ZDHHC15: variants seen among roughly 807,000 people sequenced by gnomAD.
ZDHHC15 encodes palmitoyltransferase ZDHHC15.
A neutral mutation model predicts 31.7 loss-of-function variants in ZDHHC15; 19 were observed. That is an observed-to-expected ratio of 0.60 (90% confidence interval 0.42 to 0.88). The LOEUF is 0.88. Among genes scored for constraint, ZDHHC15 ranks in the 40% least tolerant of loss-of-function variants. ZDHHC15 has a pLI of 0.00. For missense variants in ZDHHC15, 209 were observed against 251.2 expected (o/e 0.83, Z 1.14); for synonymous variants, 103 against 90.0 (o/e 1.14, Z -0.82).
intron 1 of ZDHHC15, among the ~76,000 whole-genome samples, chrX:75,514,138 C>G (rs1016788954): frequency 8.9e-6 from 1 of 112,767 alleles, no homozygotes; most frequent in Non-Finnish European, 1.9e-5. Context: ...TTTAGAAAAA[C>G]TGAAAAGGCA....
At chrX:75,391,765 T>C (rs184050646) in intron 10 of ZDHHC15, among the ~76,000 whole-genome samples, 17 of 111,953 alleles carry the variant, frequency 1.5e-4, no homozygotes, top group Middle Eastern at 4.6e-3. Context: ...AAAATACAAA[T>C]TTGAAGGTAC....
chrX:75,388,655 A>C, intron 10 of ZDHHC15, among the ~76,000 whole-genome samples: 1 of 112,115 alleles, frequency 8.9e-6, no homozygotes, highest in Non-Finnish European at 1.9e-5. Flanking sequence ...AAAGGAAGAA[A>C]GAAAGAAGGG....
At chrX:75,437,912 G>T (rs1240504653) in intron 4 of ZDHHC15, among the ~76,000 whole-genome samples, 1 of 110,135 alleles carries the variant, frequency 9.1e-6, no homozygotes, top group East Asian at 2.9e-4. Context: ...AATCTACAAA[G>T]AACTCAAACA....
At chrX:75,409,821 C>A (rs5981859) in intron 10 of ZDHHC15, among the ~76,000 whole-genome samples, 27,710 of 51,162 alleles carry the variant, frequency 0.54, 10,536 homozygotes, top group Non-Finnish European at 0.74. Flanking sequence ...AAAAAAAAAA[C>A]AACAACAACA....
chrX:75,491,206 G>A lies in ZDHHC15; in HGVS notation c.164-12221C>T, dbSNP rs1391131375. Among the ~76,000 whole-genome samples, 3 of 110,612 alleles carry A rather than the reference G, an allele frequency of 2.7e-5. No individual in the cohort carries two copies. The East Asian group carries it at 8.6e-4, about 32-fold the overall frequency. On this transcript the variant is annotated intron_variant, in intron 2 of 11. Transcript: ENST00000373367. ...GTTTACTGCAGCACTATTCACAATA[G>A]CAAAGACTTGGAACCAACCCAAATG... is the stretch of plus-strand genomic sequence containing the variant.
rs966248740 is a variant in ZDHHC15, at chrX:75,440,935, T to C, written c.380-9415A>G. Among the ~76,000 whole-genome samples, 3 of 111,345 alleles carry C rather than the reference T, an allele frequency of 2.7e-5. No individual in the cohort carries two copies. In the Admixed American group the frequency reaches 2.9e-4, roughly 11 times the overall value. ...TTATGGCTGCCTCTGCTACATCATATAGGTCACCAGGGAAGTGGAGAAAAG... is the reference window on the plus strand; with the variant it reads ...TTATGGCTGCCTCTGCTACATCATACAGGTCACCAGGGAAGTGGAGAAAAG... On this transcript the variant is annotated intron_variant, in intron 4 of 11. Transcript: ENST00000373367.
chrX:75,461,264 T>A (rs1390532847), intron 3 of ZDHHC15, among the ~76,000 whole-genome samples: 6 of 111,479 alleles, frequency 5.4e-5, no homozygotes, highest in Non-Finnish European at 9.4e-5. Context: ...ATGAATAAAA[T>A]CTGAGAAATA....
intron 10 of ZDHHC15, among the ~76,000 whole-genome samples, chrX:75,390,290 G>A (rs1602551969): frequency 8.9e-6 from 1 of 111,846 alleles, no homozygotes; most frequent in South Asian, 3.8e-4. Context: ...GGGGGAATTC[G>A]CCACCCAGAA....
At chrX:75,404,901 C>A (rs2083394746) in intron 10 of ZDHHC15, among the ~76,000 whole-genome samples, 2 of 111,877 alleles carry the variant, frequency 1.8e-5, no homozygotes, top group Admixed American at 1.9e-4. Flanking sequence ...GAATATAAAG[C>A]ATTCTGCCAT....
At chrX:75,421,803 G>C (rs1169616195) in intron 9 of ZDHHC15, 61 bp downstream of exon 9, 1 of 1,152,544 alleles carries the variant, frequency 8.7e-7, no homozygotes, top group Non-Finnish European at 1.2e-6. Flanking sequence ...AATCAAAATT[G>C]AATTTGCTGG....
intron 2 of ZDHHC15, among the ~76,000 whole-genome samples, chrX:75,499,012 A>G (rs1045071288): frequency 8.9e-6 from 1 of 111,761 alleles, no homozygotes; most frequent in African/African-American, 3.2e-5. Context: ...TTTGAGGAAG[A>G]AAACAAAACA....
intron 10 of ZDHHC15, among the ~76,000 whole-genome samples, chrX:75,407,686 C>T (rs748425123): frequency 6.1e-4 from 69 of 112,988 alleles, no homozygotes; most frequent in Middle Eastern, 9.4e-3. Context: ...CCCCTCTGCC[C>T]GGCCGCCACC....
chrX:75,516,062 C>A (rs1022827233), intron 1 of ZDHHC15, among the ~76,000 whole-genome samples: 1 of 111,579 alleles, frequency 9.0e-6, no homozygotes, highest in Admixed American at 9.6e-5. Flanking sequence ...GAACTACAAA[C>A]CACTGCTCAA....
At position 75,478,992 on chromosome X, in the gene ZDHHC15, TAAA is replaced by T; in HGVS notation, c.164-10_164-8del. 9.4e-7 allele frequency: 1 copy of T among 1,059,619 alleles called. No homozygotes were observed. Among genetic ancestry groups the T allele is most frequent in the Non-Finnish European group, 1.3e-6 (1 of 787,699 alleles). The allele number at this position is 1,059,619 out of a possible 1,213,427, so 87.3% of individuals were successfully genotyped here. On this transcript the variant is annotated splice_region_variant and splice_polypyrimidine_tract_variant and intron_variant, in intron 2 of 11. Transcript: ENST00000373367. ...TAGAGTATGAGGTAAATAACTGAAA[TAAA>T]AAAAAAATCAGTGTTTATACTATCT...
chrX:75,391,822 C>T (rs1430381819), intron 10 of ZDHHC15, among the ~76,000 whole-genome samples: 1 of 111,706 alleles, frequency 9.0e-6, no homozygotes, highest in Non-Finnish European at 1.9e-5. Context: ...TATTGTAACA[C>T]TGTAGGTGTG....
intron 10 of ZDHHC15, among the ~76,000 whole-genome samples, chrX:75,381,603 C>T (rs907145863): frequency 3.6e-5 from 4 of 111,742 alleles, no homozygotes; most frequent in African/African-American, 1.3e-4. Context: ...CAATATATCA[C>T]TCAAGATCAT....
intron 10 of ZDHHC15, among the ~76,000 whole-genome samples, chrX:75,385,269 C>G (rs2083167675): frequency 9.0e-6 from 1 of 111,232 alleles, no homozygotes; most frequent in Non-Finnish European, 1.9e-5. Context: ...AGTCTGAATT[C>G]TGATGAGGAG....
chrX:75,428,354 G>A (rs898040832), intron 7 of ZDHHC15, among the ~76,000 whole-genome samples: 4 of 111,581 alleles, frequency 3.6e-5, no homozygotes, highest in Non-Finnish European at 3.8e-5. Context: ...TTTCTTTTTT[G>A]GAAGTAGTTG....
At chrX:75,522,865 C>T in intron 1 of ZDHHC15, 24 bp downstream of exon 1, 1 of 1,210,759 alleles carries the variant, frequency 8.3e-7, no homozygotes, top group African/African-American at 1.7e-5. Context: ...AATTTCCCCA[C>T]CTTAGGTGCC....
Sources: gnomAD v4.1 joint callset for allele counts (sites outside exome capture counted in the v4.1 genomes callset) on GRCh38, gnomAD v4.1.1 for gene constraint, MANE v1.5 for transcripts, NCBI Gene and HGNC (gene_info 2026-07-23, HGNC 2026-07-21) for gene names.